Variants in MRPS27 observed in about 807,000 individuals in gnomAD.
MRPS27 encodes small ribosomal subunit protein mS27.
A neutral mutation model predicts 48.9 loss-of-function variants in MRPS27; 43 were observed. That is an observed-to-expected ratio of 0.88 (90% CI 0.69 to 1.13). The LOEUF is 1.13. MRPS27 is among the 50% of genes most tolerant of loss of function. The pLI, the probability that MRPS27 is intolerant of heterozygous loss-of-function variation, is 0.00. For synonymous variants in MRPS27, 188 were observed against 171.9 expected (o/e 1.09, Z -0.73); for missense variants, 467 against 476.3 (o/e 0.98, Z 0.18).
chr5:72,261,352 A>T (rs1257035415), intron 4 of MRPS27, among the ~76,000 whole-genome samples: 1 of 152,142 alleles, frequency 6.6e-6, no homozygotes, highest in Admixed American at 6.5e-5. Context: ...CCTGGGTTCA[A>T]GCAATTCTCT....
intron 4 of MRPS27, among the ~76,000 whole-genome samples, chr5:72,279,882 A>T (rs1355794884): frequency 6.6e-6 from 1 of 151,876 alleles, no homozygotes; most frequent in African/African-American, 2.4e-5. Flanking sequence ...TAATCTACCT[A>T]AAAAAAATGT....
chr5:72,255,764 G>C (rs957508533), intron 4 of MRPS27, among the ~76,000 whole-genome samples: 4 of 152,132 alleles, frequency 2.6e-5, no homozygotes, highest in African/African-American at 9.7e-5. Flanking sequence ...AGTTAATACT[G>C]AACAAGGCCA....
At chr5:72,254,671 C>T (rs1406730205) in intron 4 of MRPS27, among the ~76,000 whole-genome samples, 1 of 152,142 alleles carries the variant, frequency 6.6e-6, no homozygotes, top group Non-Finnish European at 1.5e-5. Flanking sequence ...CATAATAGCA[C>T]CTACTTCCTC....
At chr5:72,254,310 G>C (rs1486885517) in intron 4 of MRPS27, among the ~76,000 whole-genome samples, 2 of 152,088 alleles carry the variant, frequency 1.3e-5, no homozygotes, top group Non-Finnish European at 2.9e-5. Context: ...CAAAACCTAG[G>C]AAACTAGGGA....
intron 2 of MRPS27, among the ~76,000 whole-genome samples, chr5:72,298,924 T>G (rs2112068236): frequency 6.8e-6 from 1 of 147,942 alleles, no homozygotes; most frequent in South Asian, 2.2e-4. Flanking sequence ...CACCATGAAA[T>G]ACTACACAGC....
intron 4 of MRPS27, among the ~76,000 whole-genome samples, chr5:72,256,452 G>C (rs1201900608): frequency 6.6e-6 from 1 of 152,156 alleles, no homozygotes; most frequent in Non-Finnish European, 1.5e-5. Flanking sequence ...AGCCGAAAAG[G>C]CACTCTCTTC....
chr5:72,245,176 A>C (rs1161798589), intron 4 of MRPS27, among the ~76,000 whole-genome samples: 3 of 152,188 alleles, frequency 2.0e-5, no homozygotes, highest in Non-Finnish European at 2.9e-5. Context: ...GCCTCTCTAA[A>C]GCTATACACA....
chr5:72,307,240 T>C (rs989719670), intron 2 of MRPS27, among the ~76,000 whole-genome samples: 1 of 152,046 alleles, frequency 6.6e-6, no homozygotes, highest in Non-Finnish European at 1.5e-5. Context: ...TAATCCCAGC[T>C]TCTCGGGAGG....
Position 72,228,255 on chromosome 5 carries a change from A to G in MRPS27, c.694+11T>C. Reference sequence around the variant, plus strand: ...ATGAAGAACAGTATTTGTAAGGATCATTTAGCTTACCAAGAAGTGCATAGC... The same window carrying G: ...ATGAAGAACAGTATTTGTAAGGATCGTTTAGCTTACCAAGAAGTGCATAGC... On this transcript the variant is annotated intron_variant, in intron 8 of 10. Transcript: ENST00000261413. 1 of 1,585,668 alleles carries G rather than the reference A, an allele frequency of 6.3e-7. No individual in the cohort carries two copies. Among genetic ancestry groups the G allele is most frequent in the Non-Finnish European group, 8.7e-7 (1 of 1,154,240 alleles).
chr5:72,220,839 G>A lies in MRPS27; in HGVS notation c.*70C>T. The A allele has an allele frequency of 6.3e-7, 1 of 1,585,904 alleles. No individual in the cohort carries two copies. The highest frequency in any genetic ancestry group is 1.2e-5 in the South Asian group (1 of 85,434). On this transcript the variant is annotated 3_prime_UTR_variant, in exon 11 of 11. Coordinates refer to ENST00000261413, the MANE Select transcript of MRPS27 (RefSeq NM_015084.3). ...AGAGGAAGCTGAGGCTGTTGTCCAG[G>A]CCACTGCTGAGTCCTGGCACGGGGT...
Position 72,314,072 on chromosome 5 carries a change from G to A in MRPS27, c.151+9C>T, listed in dbSNP as rs754049227. On this transcript the variant is annotated intron_variant, in intron 2 of 10. Transcript: ENST00000261413. The stretch of plus-strand genomic sequence containing the variant: ...AAATGACACATATAATAGTCCAATA[G>A]GTACCTACCAAGACAGTAATGTTCT... The A allele has an allele frequency of 4.4e-6, 7 of 1,605,962 alleles. No homozygotes were observed. In the Admixed American group the frequency reaches 8.3e-5, roughly 19 times the overall value.
chr5:72,245,688 T>C (rs1748494029), intron 4 of MRPS27, among the ~76,000 whole-genome samples: 1 of 152,084 alleles, frequency 6.6e-6, no homozygotes, highest in Non-Finnish European at 1.5e-5. Context: ...ACAAAAGAAA[T>C]GAGCAGGCAA....
chr5:72,305,850 A>G (rs140258317), intron 2 of MRPS27, among the ~76,000 whole-genome samples: 126 of 152,342 alleles, frequency 8.3e-4, no homozygotes, highest in Non-Finnish European at 1.5e-3. Context: ...GTAAATGTTG[A>G]TAACTTTTAC....
intron 10 of MRPS27, among the ~76,000 whole-genome samples, chr5:72,221,651 C>T (rs537448344): frequency 4.3e-4 from 65 of 152,326 alleles, no homozygotes; most frequent in Non-Finnish European, 1.3e-4. Context: ...GGAGCAAGCC[C>T]AACCATACAT....
intron 4 of MRPS27, among the ~76,000 whole-genome samples, chr5:72,286,113 C>T (rs983829059): frequency 1.3e-5 from 2 of 152,144 alleles, no homozygotes; most frequent in African/African-American, 4.8e-5. Flanking sequence ...TAAATATATA[C>T]TATACATTCA....
intron 4 of MRPS27, among the ~76,000 whole-genome samples, chr5:72,285,913 C>G (rs748512391): frequency 6.6e-6 from 1 of 152,196 alleles, no homozygotes; most frequent in Non-Finnish European, 1.5e-5. Context: ...CTCAAAGCCT[C>G]TACTGGCTTT....
At chr5:72,307,260 G>A (rs906609842) in intron 2 of MRPS27, among the ~76,000 whole-genome samples, 2 of 152,214 alleles carry the variant, frequency 1.3e-5, no homozygotes, top group African/African-American at 2.4e-5. Flanking sequence ...GCTGAGGCAG[G>A]AGAATCGCTT....
chr5:72,272,947 TG>T (rs199643550), intron 4 of MRPS27, among the ~76,000 whole-genome samples: 2,334 of 152,286 alleles, frequency 0.015, 67 homozygotes, highest in African/African-American at 0.051. Context: ...TTTTGTCTAG[TG>T]TTATATATGT....
rs1038629515 is a variant in MRPS27, at chr5:72,228,265, C to T, written c.694+1G>A. 2 of 1,606,916 alleles carry T rather than the reference C, an allele frequency of 1.2e-6. No homozygotes were observed. The highest frequency in any genetic ancestry group is 1.7e-6 in the Non-Finnish European group (2 of 1,173,612). On this transcript the variant is annotated splice_donor_variant, in intron 8 of 10. Coordinates refer to ENST00000261413, the MANE Select transcript of MRPS27 (RefSeq NM_015084.3). LOFTEE classifies it high-confidence loss of function. ...GTATTTGTAAGGATCATTTAGCTTA[C>T]CAAGAAGTGCATAGCCATACAACTG...
Sources: gnomAD v4.1 joint callset for allele counts (sites outside exome capture counted in the v4.1 genomes callset) on GRCh38, gnomAD v4.1.1 for gene constraint, MANE v1.5 for transcripts, NCBI Gene and HGNC (gene_info 2026-07-23, HGNC 2026-07-21) for gene names.